The following PTPRD variants were observed in gnomAD, a reference collection of about 807,000 sequenced individuals.
The protein encoded by PTPRD is receptor-type tyrosine-protein phosphatase delta.
Under a neutral mutation model 214.5 loss-of-function variants are expected in PTPRD, and 34 were observed. The ratio of observed to expected loss-of-function variants is 0.16; its 90% CI spans 0.12 to 0.21. The LOEUF is 0.21. Among genes scored for constraint, PTPRD ranks in the 10% least tolerant of loss-of-function variants. The pLI is 1.00. For missense variants in PTPRD, 2,545 were observed against 2,398.7 expected (o/e 1.06, Z -1.27); for synonymous variants, 1,128 against 845.7 (o/e 1.33, Z -5.79).
chr9:8,543,461 T>C (rs182891237), intron 14 of PTPRD, among the ~76,000 whole-genome samples: 22 of 152,324 alleles, frequency 1.4e-4, no homozygotes, highest in African/African-American at 5.1e-4. Context: ...GCTGAATAAA[T>C]AATGTATGTG....
chr9:9,247,002 G>A (rs1199311107), intron 9 of PTPRD, among the ~76,000 whole-genome samples: 1 of 151,578 alleles, frequency 6.6e-6, no homozygotes, highest in Non-Finnish European at 1.5e-5. Flanking sequence ...TTTTCCCCGA[G>A]TGACTCATAG....
intron 11 of PTPRD, among the ~76,000 whole-genome samples, chr9:8,813,490 C>A (rs2096857597): frequency 6.6e-6 from 1 of 152,156 alleles, no homozygotes; most frequent in Non-Finnish European, 1.5e-5. Flanking sequence ...CCTGCCTCAG[C>A]CTCCTCGGTA....
intron 9 of PTPRD, among the ~76,000 whole-genome samples, chr9:9,394,138 C>G (rs531072173): frequency 6.6e-6 from 1 of 151,972 alleles, no homozygotes; most frequent in African/African-American, 2.4e-5. Context: ...TTTACATGTC[C>G]CTTTACATCA....
intron 6 of PTPRD, among the ~76,000 whole-genome samples, chr9:9,737,744 G>C (rs1042987625): frequency 2.0e-5 from 3 of 152,116 alleles, no homozygotes; most frequent in Non-Finnish European, 4.4e-5. Context: ...CTAGCCGAAG[G>C]ACATTTAGGT....
chr9:9,852,118 C>T (rs933182079), intron 5 of PTPRD, among the ~76,000 whole-genome samples: 14 of 150,730 alleles, frequency 9.3e-5, no homozygotes, highest in South Asian at 6.3e-4. Context: ...AAAATGTTCT[C>T]GGAAAGAGAT....
At chr9:9,179,352 AT>A in intron 10 of PTPRD, among the ~76,000 whole-genome samples, 1 of 152,242 alleles carries the variant, frequency 6.6e-6, no homozygotes, top group Admixed American at 6.6e-5. Context: ...CACCCCACAT[AT>A]TTCCAAATGC....
chr9:10,258,929 T>G (rs2093488083), intron 3 of PTPRD, among the ~76,000 whole-genome samples: 1 of 152,258 alleles, frequency 6.6e-6, no homozygotes, highest in South Asian at 2.1e-4. Flanking sequence ...TAAATTCAAC[T>G]TTAAAACAGT....
At chr9:10,273,805 G>T (rs762953025) in intron 3 of PTPRD, among the ~76,000 whole-genome samples, 57 of 152,214 alleles carry the variant, frequency 3.7e-4, no homozygotes, top group Admixed American at 6.5e-5. Context: ...ATACCATAAA[G>T]GTTAAAACAC....
chr9:9,253,151 T>C (rs895385721), intron 9 of PTPRD, among the ~76,000 whole-genome samples: 7 of 152,046 alleles, frequency 4.6e-5, no homozygotes, highest in Non-Finnish European at 8.8e-5. Flanking sequence ...CTTATCTCTA[T>C]TTTTGAAGTA....
chr9:10,197,787 A>C (rs2099403818), intron 3 of PTPRD, among the ~76,000 whole-genome samples: 1 of 152,108 alleles, frequency 6.6e-6, no homozygotes, highest in African/African-American at 2.4e-5. Context: ...AGGCCATGGG[A>C]GGGATGGGTC....
chr9:10,516,615 G>T (rs2050201204), intron 2 of PTPRD, among the ~76,000 whole-genome samples: 1 of 151,798 alleles, frequency 6.6e-6, no homozygotes, highest in African/African-American at 2.4e-5. Context: ...ATTTGCCTGT[G>T]CTTTTAGAGT....
chr9:9,459,910 A>G (rs1354703589), intron 8 of PTPRD, among the ~76,000 whole-genome samples: 1 of 152,122 alleles, frequency 6.6e-6, no homozygotes, highest in Non-Finnish European at 1.5e-5. Context: ...AAAAACAACA[A>G]AGACAGAGGC....
At chr9:9,030,474 G>C (rs534946284) in intron 10 of PTPRD, among the ~76,000 whole-genome samples, 52 of 151,548 alleles carry the variant, frequency 3.4e-4, no homozygotes, top group Non-Finnish European at 6.9e-4. Flanking sequence ...TACATACCAA[G>C]TCTCCTAACT....
chr9:10,429,593 G>A (rs606673), intron 2 of PTPRD, among the ~76,000 whole-genome samples: 5,070 of 151,728 alleles, frequency 0.033, 158 homozygotes, highest in African/African-American at 0.088. Context: ...AAAAAATATC[G>A]CATGTTCTCA....
At chr9:9,503,880 A>G (rs1026188559) in intron 8 of PTPRD, among the ~76,000 whole-genome samples, 3 of 151,788 alleles carry the variant, frequency 2.0e-5, no homozygotes, top group African/African-American at 7.2e-5. Context: ...CATAAAAAAA[A>G]ATACTTCTGA....
intron 5 of PTPRD, among the ~76,000 whole-genome samples, chr9:9,829,135 C>A (rs981402359): frequency 1.3e-5 from 2 of 151,720 alleles, no homozygotes; most frequent in Non-Finnish European, 2.9e-5. Context: ...ATAAGGCATA[C>A]TAAAGAATAT....
At chr9:10,222,976 C>A (rs911592126) in intron 3 of PTPRD, among the ~76,000 whole-genome samples, 3 of 151,910 alleles carry the variant, frequency 2.0e-5, no homozygotes, top group African/African-American at 7.3e-5. Flanking sequence ...GGTTCTATAC[C>A]AAGCCAGAGG....
At chr9:8,847,712 T>TA (rs2097726002) in intron 11 of PTPRD, among the ~76,000 whole-genome samples, 1 of 151,454 alleles carries the variant, frequency 6.6e-6, no homozygotes, top group South Asian at 2.1e-4. Context: ...TCTGAGGACT[T>TA]ACAGACAAGG....
At chr9:9,924,631 T>C (rs565693633) in intron 5 of PTPRD, among the ~76,000 whole-genome samples, 18 of 152,212 alleles carry the variant, frequency 1.2e-4, no homozygotes, top group African/African-American at 4.3e-4. Flanking sequence ...AAAAGAAACA[T>C]GGTCCTGTGT....
Sources: gnomAD v4.1 joint callset for allele counts (sites outside exome capture counted in the v4.1 genomes callset) on GRCh38, gnomAD v4.1.1 for gene constraint, MANE v1.5 for transcripts, NCBI Gene and HGNC (gene_info 2026-07-23, HGNC 2026-07-21) for gene names.